COG5: variants seen among roughly 807,000 people sequenced by gnomAD.
COG5 encodes the protein conserved oligomeric Golgi complex subunit 5.
COG5 carries 86 observed loss-of-function variants against 110.4 expected under a neutral mutation model. The observed-to-expected ratio is 0.78, with a 90% CI of 0.65 to 0.93. The LOEUF is 0.93. Ranked by LOEUF, COG5 falls within the 40% of genes least tolerant of loss-of-function variation. COG5 has a pLI of 0.00. For synonymous variants in COG5, 360 were observed against 334.6 expected, an observed-to-expected ratio of 1.08 and a Z score of -0.83; for missense variants, 1,077 against 987.0, an observed-to-expected ratio of 1.09 and a Z score of -1.22.
At chr7:107,416,967 C>A (rs948629987) in intron 6 of COG5, among the ~76,000 whole-genome samples, 3 of 152,160 alleles carry the variant, frequency 2.0e-5, no homozygotes, top group African/African-American at 7.2e-5. Context: ...GAGGCAACCA[C>A]TGGCCAGTGG....
At chr7:107,278,503 G>C (rs1297408926) in intron 14 of COG5, among the ~76,000 whole-genome samples, 1 of 152,078 alleles carries the variant, frequency 6.6e-6, no homozygotes, top group Admixed American at 6.6e-5. Flanking sequence ...TCCCACTTAT[G>C]GGTGAGAATA....
intron 6 of COG5, among the ~76,000 whole-genome samples, chr7:107,422,720 G>T (rs1368282794): frequency 6.7e-6 from 1 of 148,310 alleles, no homozygotes; most frequent in African/African-American, 2.5e-5. Flanking sequence ...CCATGACTCT[G>T]TGTGTGTTTA....
At chr7:107,267,766 G>A (rs1286065395) in intron 14 of COG5, among the ~76,000 whole-genome samples, 1 of 151,934 alleles carries the variant, frequency 6.6e-6, no homozygotes, top group Non-Finnish European at 1.5e-5. Flanking sequence ...AAAAATAACT[G>A]GGGTAAGGGC....
chr7:107,218,151 A>G (rs2116275816), intron 19 of COG5, among the ~76,000 whole-genome samples: 1 of 152,234 alleles, frequency 6.6e-6, no homozygotes. Context: ...TTAACCATGG[A>G]AGTGAAAGAT....
intron 6 of COG5, among the ~76,000 whole-genome samples, chr7:107,457,509 A>G (rs1795739814): frequency 6.6e-6 from 1 of 152,190 alleles, no homozygotes; most frequent in Admixed American, 6.5e-5. Context: ...GCTCACTGCA[A>G]GCGCCGCCTC....
intron 6 of COG5, among the ~76,000 whole-genome samples, chr7:107,478,785 C>A (rs1317441114): frequency 6.6e-6 from 1 of 151,894 alleles, no homozygotes; most frequent in Non-Finnish European, 1.5e-5. Flanking sequence ...GTTCCTTGGG[C>A]ATTAAAAACC....
At chr7:107,465,960 A>C (rs1447389326) in intron 6 of COG5, among the ~76,000 whole-genome samples, 3 of 152,176 alleles carry the variant, frequency 2.0e-5, no homozygotes, top group Admixed American at 1.3e-4. Context: ...GCTTTGTTAA[A>C]TATGTAATCT....
chr7:107,541,715 GA>G (rs1397797023), intron 5 of COG5, among the ~76,000 whole-genome samples: 1 of 150,340 alleles, frequency 6.7e-6, no homozygotes, highest in African/African-American at 2.4e-5. Context: ...TGCGGATCAC[GA>G]GGTCAGAAGT....
chr7:107,443,092 T>C (rs902631494), intron 6 of COG5, among the ~76,000 whole-genome samples: 1 of 152,168 alleles, frequency 6.6e-6, no homozygotes, highest in African/African-American at 2.4e-5. Flanking sequence ...AGAGAAAATA[T>C]TTGCAGAACC....
chr7:107,423,660 C>T (rs1340077704), intron 6 of COG5, among the ~76,000 whole-genome samples: 1 of 126,486 alleles, frequency 7.9e-6, no homozygotes. Flanking sequence ...AAAGACATTA[C>T]AAAAAAAAAA....
intron 21 of COG5, chr7:107,208,145 G>A: frequency 2.0e-6 from 2 of 985,396 alleles, no homozygotes; most frequent in Non-Finnish European, 2.4e-6. Flanking sequence ...CAAGAGCCTG[G>A]GGTGCAGCAG....
chr7:107,293,419 G>A (rs567704972), intron 12 of COG5, among the ~76,000 whole-genome samples: 30 of 152,268 alleles, frequency 2.0e-4, no homozygotes, highest in African/African-American at 6.3e-4. Flanking sequence ...TCTAGAGAAC[G>A]ATCTCCACTT....
intron 1 of COG5, among the ~76,000 whole-genome samples, chr7:107,562,655 TAGAC>T (rs1318475065): frequency 6.6e-6 from 1 of 152,212 alleles, no homozygotes; most frequent in African/African-American, 2.4e-5. Flanking sequence ...AGCCAAGTTT[TAGAC>T]AGAGACCCGG....
chr7:107,283,636 A>T lies in COG5; in HGVS notation c.1410T>A (p.Phe470Leu), dbSNP rs769542319. 11 of 1,613,898 alleles carry T rather than the reference A, an allele frequency of 6.8e-6. No homozygotes were observed. The South Asian group carries it at 1.2e-4, about 18-fold the overall frequency. ...AAGGAGGATTACGACCACCCGGGGG[A>T]AAAACCAAGTTGATAGGATCGAAGA... ...SRLFDPINLV[F>L]PPGGRNPPSS... is the part of the protein sequence containing the mutation. Residue 470 changes from phenylalanine to leucine, a missense_variant, in exon 13 of 22, where the codon TTT (phenylalanine) becomes TTA (leucine). By Grantham distance (22) the Phe-to-Leu change is conservative. Coordinates refer to ENST00000297135, the MANE Select transcript of COG5 (RefSeq NM_006348.5).
chr7:107,374,875 C>T (rs936037250), intron 7 of COG5, among the ~76,000 whole-genome samples: 1 of 151,796 alleles, frequency 6.6e-6, no homozygotes, highest in Non-Finnish European at 1.5e-5. Context: ...AAAATAATTA[C>T]CTGAAATAAA....
At chr7:107,319,249 A>G (rs1332091914) in intron 11 of COG5, among the ~76,000 whole-genome samples, 1 of 152,182 alleles carries the variant, frequency 6.6e-6, no homozygotes, top group Non-Finnish European at 1.5e-5. Context: ...TATAACATTT[A>G]TAAGAAGTGT....
At chr7:107,479,219 T>A (rs1003937171) in intron 6 of COG5, among the ~76,000 whole-genome samples, 1 of 152,130 alleles carries the variant, frequency 6.6e-6, no homozygotes, top group Non-Finnish European at 1.5e-5. Flanking sequence ...ATAAAGCTGC[T>A]GCAGCATATT....
At chr7:107,507,767 T>C (rs1170962676) in intron 6 of COG5, among the ~76,000 whole-genome samples, 1 of 152,168 alleles carries the variant, frequency 6.6e-6, no homozygotes, top group African/African-American at 2.4e-5. Flanking sequence ...ATAAGTATTG[T>C]TTTATCAGAT....
chr7:107,490,491 C>A (rs1403120749), intron 6 of COG5, among the ~76,000 whole-genome samples: 3 of 151,956 alleles, frequency 2.0e-5, no homozygotes, highest in Non-Finnish European at 4.4e-5. Flanking sequence ...TTTGAGCACA[C>A]AGAAGTAGAA....
Sources: gnomAD v4.1 joint callset for allele counts (sites outside exome capture counted in the v4.1 genomes callset) on GRCh38, gnomAD v4.1.1 for gene constraint, MANE v1.5 for transcripts, NCBI Gene and HGNC (gene_info 2026-07-23, HGNC 2026-07-21) for gene names.